ARAP2: variants seen among roughly 807,000 people sequenced by gnomAD.
ARAP2 encodes arf-GAP with Rho-GAP domain, ANK repeat and PH domain-containing protein 2.
Under a neutral mutation model 194.5 loss-of-function variants are expected in ARAP2, and 148 were observed. The ratio of observed to expected loss-of-function variants is 0.76; its 90% CI spans 0.67 to 0.87. ARAP2 has a LOEUF of 0.87. Among genes scored for constraint, ARAP2 ranks in the 40% least tolerant of loss-of-function variants. The pLI, the probability that ARAP2 is intolerant of heterozygous loss-of-function variation, is 0.00. For synonymous variants in ARAP2, 695 were observed against 683.5 expected (o/e 1.02, Z -0.26); for missense variants, 2,128 against 1,989.7 (o/e 1.07, Z -1.32).
At chr4:36,181,328 A>C (rs1373565094) in intron 8 of ARAP2, among the ~76,000 whole-genome samples, 1 of 152,226 alleles carries the variant, frequency 6.6e-6, no homozygotes, top group African/African-American at 2.4e-5. Flanking sequence ...ATGTAAATAC[A>C]AAACAATAGT....
chr4:36,007,492 T>C (rs1713543603), intron 9 of ARAP2, among the ~76,000 whole-genome samples: 1 of 152,218 alleles, frequency 6.6e-6, no homozygotes, highest in Admixed American at 6.5e-5. Flanking sequence ...CTACCAGAAA[T>C]TGGAAGAGGC....
intron 15 of ARAP2, among the ~76,000 whole-genome samples, chr4:36,153,737 G>T (rs1390213126): frequency 6.6e-6 from 1 of 152,130 alleles, no homozygotes; most frequent in African/African-American, 2.4e-5. Flanking sequence ...CAGCCTACAG[G>T]ACAACATACC....
chr4:36,139,772 T>A (rs1727794323), intron 19 of ARAP2, among the ~76,000 whole-genome samples: 1 of 151,672 alleles, frequency 6.6e-6, no homozygotes, highest in Non-Finnish European at 1.5e-5. Flanking sequence ...TCCTAATTTT[T>A]CCTGTGATTT....
At chr4:36,043,466 G>T (rs114475736) in intron 5 of ARAP2, among the ~76,000 whole-genome samples, 3,830 of 152,210 alleles carry the variant, frequency 0.025, 111 homozygotes, top group Admixed American at 0.067. Context: ...CAGAAGTTTA[G>T]TTAGCCAACG....
At chr4:36,131,295 G>T (rs1000460188) in intron 20 of ARAP2, among the ~76,000 whole-genome samples, 1 of 150,720 alleles carries the variant, frequency 6.6e-6, no homozygotes, top group Non-Finnish European at 1.5e-5. Flanking sequence ...ATGTGATTAT[G>T]TATATACTTT....
At chr4:36,155,331 C>T (rs1238160142) in intron 15 of ARAP2, among the ~76,000 whole-genome samples, 1 of 152,174 alleles carries the variant, frequency 6.6e-6, no homozygotes. Context: ...ACACAGCATC[C>T]TATGAAAGAG....
At chr4:36,218,872 CA>C (rs1041624293) in intron 2 of ARAP2, among the ~76,000 whole-genome samples, 6 of 151,920 alleles carry the variant, frequency 3.9e-5, no homozygotes, top group African/African-American at 1.2e-4. Context: ...AAGAAACACA[CA>C]AAAAAATGCA....
chr4:36,077,145 A>G (rs1421637761), intron 31 of ARAP2, among the ~76,000 whole-genome samples: 1 of 152,110 alleles, frequency 6.6e-6, no homozygotes, highest in African/African-American at 2.4e-5. Flanking sequence ...TGGTGGCTCC[A>G]TCTTCCCTTC....
intron 5 of ARAP2, among the ~76,000 whole-genome samples, chr4:36,020,585 C>A (rs953460584): frequency 1.3e-5 from 2 of 152,120 alleles, no homozygotes; most frequent in Non-Finnish European, 2.9e-5. Context: ...GATTTCATCA[C>A]CCTACTCAGA....
chr4:36,046,257 C>T (rs1721815766), intron 4 of ARAP2, among the ~76,000 whole-genome samples: 1 of 152,178 alleles, frequency 6.6e-6, no homozygotes, highest in Admixed American at 6.6e-5. Context: ...AGTCACAGCT[C>T]ACTGCAGCTC....
chr4:36,244,684 G>A (rs1754342116), upstream of ARAP2, among the ~76,000 whole-genome samples: 3 of 152,214 alleles, frequency 2.0e-5, no homozygotes, highest in Admixed American at 2.0e-4. Context: ...CCTCGGCCCG[G>A]AGGCGTCAGA....
intron 5 of ARAP2, among the ~76,000 whole-genome samples, chr4:36,211,236 C>T (rs1746700055): frequency 6.6e-6 from 1 of 152,134 alleles, no homozygotes; most frequent in Admixed American, 6.6e-5. Flanking sequence ...GTATGCCTGA[C>T]TGCTGAGAGC....
At chr4:36,082,472 A>G (rs1729802864) in intron 29 of ARAP2, among the ~76,000 whole-genome samples, 186 bp from the exon 30 acceptor site, 1 of 152,150 alleles carries the variant, frequency 6.6e-6, no homozygotes, top group African/African-American at 2.4e-5. Context: ...CTGGCTACAC[A>G]TTTATATAGA....
intron 9 of ARAP2, among the ~76,000 whole-genome samples, chr4:36,171,479 A>G (rs1736616159): frequency 6.7e-6 from 1 of 148,514 alleles, no homozygotes; most frequent in Non-Finnish European, 1.5e-5. Context: ...ATGAGAACAC[A>G]TGGACACAGG....
chr4:36,023,923 C>T (rs2063398), intron 5 of ARAP2, among the ~76,000 whole-genome samples: 120,478 of 151,718 alleles, frequency 0.79, 49,218 homozygotes, highest in Admixed American at 0.89. Context: ...TTTGTTCTTG[C>T]GATAGTTTAC....
chr4:36,166,394 T>A (rs913719694), intron 10 of ARAP2, among the ~76,000 whole-genome samples: 1 of 152,070 alleles, frequency 6.6e-6, no homozygotes, highest in African/African-American at 2.4e-5. Flanking sequence ...GTCATAATGA[T>A]GCAATTAGTA....
intron 2 of ARAP2, among the ~76,000 whole-genome samples, chr4:36,215,584 A>G (rs1255311766): frequency 6.6e-6 from 1 of 152,250 alleles, no homozygotes; most frequent in Non-Finnish European, 1.5e-5. Flanking sequence ...ATTGAAATTT[A>G]GTATTTACCA....
chr4:36,076,693 A>G lies in ARAP2; in HGVS notation c.4609-2870T>C, dbSNP rs561478295. Among the ~76,000 whole-genome samples, 635 of 151,820 alleles carry G rather than the reference A, an allele frequency of 4.2e-3. 4 individuals are homozygous for G. The highest frequency in any genetic ancestry group is 0.015 in the African/African-American group (605 of 41,370). Reference sequence around the variant, plus strand: ...CCCCAGGCATCTCATCTAATCCTATAGCTTTGAATATAATCTAAGTGCTGA... The same window carrying G: ...CCCCAGGCATCTCATCTAATCCTATGGCTTTGAATATAATCTAAGTGCTGA... On this transcript the variant is annotated intron_variant, in intron 31 of 32. Transcript: ENST00000303965.
chr4:36,020,107 T>G (rs1239056577), intron 5 of ARAP2, among the ~76,000 whole-genome samples: 1 of 152,146 alleles, frequency 6.6e-6, no homozygotes. Context: ...CAAACACTGT[T>G]ATTATAATAC....
Sources: allele counts gnomAD v4.1 joint callset (sites outside exome capture counted in the v4.1 genomes callset), GRCh38; gene constraint gnomAD v4.1.1; transcripts MANE v1.5; gene names NCBI Gene and HGNC (gene_info 2026-07-23, HGNC 2026-07-21).